ATG14: variants seen among roughly 807,000 people sequenced by gnomAD.
ATG14 encodes autophagy related 14.
In ATG14, 35 loss-of-function variants were observed where a neutral mutation model predicts 60.4. The observed-to-expected ratio is 0.58, with a 90% CI of 0.44 to 0.77. ATG14 has a LOEUF of 0.77. ATG14 is among the 30% of genes least tolerant of loss of function. ATG14 has a pLI of 0.00. For synonymous variants in ATG14, 234 were observed against 228.8 expected, an observed-to-expected ratio of 1.02 and a Z score of -0.21; for missense variants, 647 against 626.3, an observed-to-expected ratio of 1.03 and a Z score of -0.35.
intron 7 of ATG14, among the ~76,000 whole-genome samples, chr14:55,379,552 A>G (rs1429844171): frequency 6.6e-6 from 1 of 152,154 alleles, no homozygotes; most frequent in Non-Finnish European, 1.5e-5. Flanking sequence ...CTTAAGAAAA[A>G]GAAGAAAGTA....
chr14:55,398,311 G>A (rs1351309932), intron 1 of ATG14, among the ~76,000 whole-genome samples: 2 of 151,782 alleles, frequency 1.3e-5, no homozygotes, highest in Non-Finnish European at 2.9e-5. Flanking sequence ...AACTTACTTG[G>A]GTTTTTTGTT....
intron 9 of ATG14, among the ~76,000 whole-genome samples, chr14:55,376,882 G>A (rs567862312): frequency 3.3e-5 from 5 of 152,278 alleles, no homozygotes; most frequent in Middle Eastern, 3.4e-3. Flanking sequence ...GCTAAGGCTC[G>A]TACAGTACAT....
In ATG14 at chr14:55,368,922, T is replaced by TA. The variant is rs1209705442; in HGVS notation, c.*696dup. On this transcript the variant is annotated 3_prime_UTR_variant, in exon 10 of 10. Coordinates refer to ENST00000247178, the MANE Select transcript of ATG14 (RefSeq NM_014924.5). ...TACAAGAAAATAGTTAAAAACTCTC[T>TA]AGACATTATTGCAGCCAGGATTTCT... 1 of 152,576 alleles carries TA rather than the reference T, an allele frequency of 6.6e-6. No homozygotes were observed. The highest frequency in any genetic ancestry group is 1.5e-5 in the Non-Finnish European group (1 of 68,046). The allele number at this position is 152,576 out of a possible 1,614,324, so 9.5% of individuals were successfully genotyped here. A position where few individuals can be genotyped will look rare whatever the true frequency, so the allele number is the denominator to read the frequency against.
chr14:55,378,032 T>C lies in ATG14; in HGVS notation c.1038A>G (p.Arg346=). The C allele has an allele frequency of 1.2e-6, 2 of 1,613,168 alleles. No homozygotes were observed. Among genetic ancestry groups the C allele is most frequent in the Non-Finnish European group, 1.7e-6 (2 of 1,179,244 alleles). The part of the protein sequence containing the change: ...GENLSKQKFT[R]AVKKLNANIL... ...TATTTGCATTCAGTTTCTTCACTGC[T>C]CGAGTAAATTTCTGCTTGCTTAGAT... Residue 346 remains arginine, a synonymous_variant, in exon 8 of 10, where the codon CGA becomes CGG. Transcript: ENST00000247178.
intron 9 of ATG14, among the ~76,000 whole-genome samples, chr14:55,373,369 A>G (rs1234973161): frequency 6.6e-6 from 1 of 152,170 alleles, no homozygotes; most frequent in Non-Finnish European, 1.5e-5. Context: ...GTGTGCATTG[A>G]TGGACACAGA....
Position 55,366,990 on chromosome 14 carries a change from C to T in ATG14, c.*2629G>A, listed in dbSNP as rs896919868. 20 of 152,560 alleles carry T rather than the reference C, an allele frequency of 1.3e-4. No individual in the cohort carries two copies. Among genetic ancestry groups the T allele is most frequent in the African/African-American group, 4.8e-4 (20 of 41,416 alleles). 9.5% of individuals were successfully genotyped at this position (152,560 alleles called of 1,614,324 possible). A position where few individuals can be genotyped will look rare whatever the true frequency, so the allele number is the denominator to read the frequency against. ...AAGCCAGTATGTTGGTGTTCAAAAC[C>T]ACAAAAGGGTTCGATCACTTAACCC... On this transcript the variant is annotated 3_prime_UTR_variant, in exon 10 of 10. Transcript: ENST00000247178.
At chr14:55,398,274 G>C (rs778653183) in intron 1 of ATG14, among the ~76,000 whole-genome samples, 4 of 151,912 alleles carry the variant, frequency 2.6e-5, no homozygotes, top group Non-Finnish European at 4.4e-5. Flanking sequence ...CTATTTGCCA[G>C]TTTTCTATCT....
intron 1 of ATG14, among the ~76,000 whole-genome samples, chr14:55,407,857 T>C (rs1048640710): frequency 6.6e-5 from 10 of 152,028 alleles, no homozygotes; most frequent in Non-Finnish European, 1.3e-4. Context: ...ACCGAAGAAG[T>C]GGCCTTTAAG....
At chr14:55,401,561 T>G (rs901335197) in intron 1 of ATG14, among the ~76,000 whole-genome samples, 8 of 152,250 alleles carry the variant, frequency 5.3e-5, no homozygotes, top group African/African-American at 1.9e-4. Context: ...TCCATACTTA[T>G]ATGATTTGGG....
At chr14:55,376,120 G>A (rs1884915544) in intron 9 of ATG14, among the ~76,000 whole-genome samples, 1 of 152,180 alleles carries the variant, frequency 6.6e-6, no homozygotes, top group Admixed American at 6.5e-5. Context: ...TCAGCCAGGT[G>A]TGCACTGAGA....
chr14:55,410,822 A>C, intron 1 of ATG14, among the ~76,000 whole-genome samples: 1 of 152,136 alleles, frequency 6.6e-6, no homozygotes, highest in East Asian at 1.9e-4. Flanking sequence ...ACTATCATTG[A>C]CTATCATTGA....
Position 55,378,068 on chromosome 14 carries a change from A to G in ATG14, c.1002T>C (p.Phe334=). 6.2e-7 allele frequency: 1 copy of G among 1,612,698 alleles called. No homozygotes were observed. The highest frequency in any genetic ancestry group is 1.1e-5 in the South Asian group (1 of 90,856). The part of the protein sequence containing the change: ...NLPKKLCNSE[F]CGENLSKQKF... The stretch of plus-strand genomic sequence containing the variant: ...TCTGCTTGCTTAGATTTTCGCCACA[A>G]AATTCACTGTAAAACAAACATACAA... Residue 334 remains phenylalanine, a synonymous_variant, in exon 8 of 10, where the codon TTT becomes TTC. Coordinates refer to ENST00000247178, the MANE Select transcript of ATG14 (RefSeq NM_014924.5).
chr14:55,385,221 G>A (rs1369755001), intron 5 of ATG14, among the ~76,000 whole-genome samples: 4 of 152,092 alleles, frequency 2.6e-5, no homozygotes, highest in Non-Finnish European at 4.4e-5. Flanking sequence ...AGATTTTGAG[G>A]TCCAAGAACA....
chr14:55,397,586 C>T (rs550335674), intron 1 of ATG14, 152 bp from the exon 2 acceptor site: 1 of 646,582 alleles, frequency 1.5e-6, no homozygotes, highest in African/African-American at 1.8e-5. Context: ...GGGGTGCACA[C>T]AACTGCTAAC....
intron 7 of ATG14, among the ~76,000 whole-genome samples, chr14:55,379,934 A>T (rs982580573): frequency 6.6e-6 from 1 of 152,134 alleles, no homozygotes; most frequent in Non-Finnish European, 1.5e-5. Context: ...GTTTTTTATT[A>T]AAAAACAACA....
intron 1 of ATG14, among the ~76,000 whole-genome samples, chr14:55,403,152 G>C (rs1003065264): frequency 6.6e-6 from 1 of 151,132 alleles, no homozygotes; most frequent in Non-Finnish European, 1.5e-5. Context: ...GTGTTGTTTA[G>C]TTTCCTCATT....
rs116299626 is a variant in ATG14 at position 55,376,296 on chromosome 14, A to G, written c.1172+1523T>C. Among the ~76,000 whole-genome samples, 1,286 of 152,334 alleles carry G rather than the reference A, an allele frequency of 8.4e-3. 22 individuals are homozygous for G. Among genetic ancestry groups the G allele is most frequent in the African/African-American group, 0.03 (1,237 of 41,582 alleles). On this transcript the variant is annotated intron_variant, in intron 9 of 9. Coordinates refer to ENST00000247178, the MANE Select transcript of ATG14 (RefSeq NM_014924.5). ...GGCCCAATAAATATTAGCTCTTATT[A>G]GTAAGGATAAATTTCCTAATTTGAG...
rs1197398570 is a variant in ATG14 at position 55,411,656 on chromosome 14, G to A, written c.167C>T (p.Ala56Val). The A allele has an allele frequency of 6.2e-7, 1 of 1,613,398 alleles. No homozygotes were observed. The highest frequency in any genetic ancestry group is 1.3e-5 in the African/African-American group (1 of 74,938). Residue 56 changes from alanine (A) to valine (V), a missense_variant, in exon 1 of 10, where the codon GCC becomes GTC. Physicochemically the swap from Ala to Val is moderately conservative, Grantham distance 64 (BLOSUM62 0). Transcript: ENST00000247178. ...GAAATCGCCGCTCTGAACGCATTTG[G>A]CGCAGGTCAGCCGCCGGCGGGTAGT... ...CNTTRRRLTCAKCVQSGDFVY... is the reference protein window; with the variant it reads ...CNTTRRRLTCVKCVQSGDFVY...
rs758907223 is a variant in ATG14, at chr14:55,395,985, G to T, written c.285-3C>A. On this transcript the variant is annotated splice_polypyrimidine_tract_variant and splice_region_variant and intron_variant, in intron 2 of 9. Transcript: ENST00000247178. ...TTCCTTCCATAGCTTTTAACACTCTGTGAGGAAAAGAGACAGAAAATAAGC... is the reference window on the plus strand; with the variant it reads ...TTCCTTCCATAGCTTTTAACACTCTTTGAGGAAAAGAGACAGAAAATAAGC... The T allele has an allele frequency of 5.1e-6, 8 of 1,580,332 alleles. No individual in the cohort carries two copies. The highest frequency in any genetic ancestry group is 6.0e-6 in the Non-Finnish European group (7 of 1,165,514).
Sources: gnomAD v4.1 joint callset for allele counts (sites outside exome capture counted in the v4.1 genomes callset) on GRCh38, gnomAD v4.1.1 for gene constraint, MANE v1.5 for transcripts, NCBI Gene and HGNC (gene_info 2026-07-23, HGNC 2026-07-21) for gene names.